PCDHA5: variants seen among roughly 807,000 people sequenced by gnomAD.
PCDHA5 encodes the protein protocadherin alpha 5.
In PCDHA5, 43 loss-of-function variants were observed where a neutral mutation model predicts 61.6. The ratio of observed to expected loss-of-function variants is 0.70; its 90% CI spans 0.55 to 0.90. The LOEUF (loss-of-function observed/expected upper bound fraction) is 0.90, where lower values mean the gene tolerates loss of function less well. PCDHA5 is among the 40% of genes least tolerant of loss of function. The probability of loss-of-function intolerance (pLI) is 0.00; values close to 1 mark genes in which losing one functional copy is unlikely to be tolerated. For synonymous variants in PCDHA5, 627 were observed against 543.9 expected (o/e 1.15, Z -2.13); for missense variants, 1,298 against 1,222.7 (o/e 1.06, Z -0.92).
At chr5:140,856,902 C>A in intron 1 of PCDHA5, 1 of 1,596,268 alleles carries the variant, frequency 6.3e-7, no homozygotes, top group Non-Finnish European at 8.6e-7. Flanking sequence ...TCTTTGGTCC[C>A]ACCCACGATA....
chr5:141,008,985 A>C (rs566679512), intron 3 of PCDHA5, among the ~76,000 whole-genome samples: 1 of 152,240 alleles, frequency 6.6e-6, no homozygotes, highest in Non-Finnish European at 1.5e-5. Context: ...AGTTTAATCT[A>C]GACACTAAAA....
chr5:140,876,206 C>T, intron 1 of PCDHA5: 1 of 1,613,864 alleles, frequency 6.2e-7, no homozygotes, highest in South Asian at 1.1e-5. Context: ...TTTGATAAGC[C>T]CAGCTATAAA....
At position 140,927,384 on chromosome 5, in the gene PCDHA5, C is replaced by G. The variant is rs2084146194; in HGVS notation, c.2353-51565C>G. On this transcript the variant is annotated intron_variant, in intron 1 of 3. Transcript: ENST00000529859. Reference sequence around the variant, plus strand: ...ATGGGATACTAAGCTACAGCCTAAGCCCCAGTCAGCACTTTCGCCTGGACA... The same window carrying G: ...ATGGGATACTAAGCTACAGCCTAAGGCCCAGTCAGCACTTTCGCCTGGACA... 1 of 1,613,996 alleles carries G rather than the reference C, an allele frequency of 6.2e-7. No individual in the cohort carries two copies. The highest frequency in any genetic ancestry group is 1.7e-5 in the Admixed American group (1 of 60,010).
At chr5:140,990,542 C>T (rs2097399330) in intron 3 of PCDHA5, among the ~76,000 whole-genome samples, 1 of 152,180 alleles carries the variant, frequency 6.6e-6, no homozygotes, top group South Asian at 2.1e-4. Context: ...ATCATAGATA[C>T]TGTATTACCC....
At chr5:140,921,134 C>G (rs2080042608) in intron 1 of PCDHA5, among the ~76,000 whole-genome samples, 1 of 111,400 alleles carries the variant, frequency 9.0e-6, no homozygotes, top group African/African-American at 3.7e-5. Flanking sequence ...GTGCACACCA[C>G]TACACCCAGC....
intron 1 of PCDHA5, chr5:140,850,590 TA>T: frequency 6.3e-7 from 1 of 1,598,434 alleles, no homozygotes; most frequent in Non-Finnish European, 8.6e-7. Flanking sequence ...TGTCAACGTG[TA>T]CCTGATCATC....
Position 140,850,629 on chromosome 5 carries a change from G to T in PCDHA5, c.2352+26502G>T, listed in dbSNP as rs2150491518. On this transcript the variant is annotated intron_variant, in intron 1 of 3. Transcript: ENST00000529859. ...CATCTGCGCGGTGTCTAGCCTGTTG[G>T]TTCTCACGCTGCTGCTGTACACTGT... is the stretch of plus-strand genomic sequence containing the variant. 44 of 1,598,620 alleles carry T rather than the reference G, an allele frequency of 2.8e-5. 2 individuals carry two copies. The East Asian group carries it at 9.4e-4, about 34-fold the overall frequency.
intron 3 of PCDHA5, among the ~76,000 whole-genome samples, chr5:140,999,830 T>C (rs146250053): frequency 2.0e-5 from 3 of 152,238 alleles, no homozygotes; most frequent in Non-Finnish European, 4.4e-5. Context: ...GCTTTAAAAA[T>C]ATGCCAAGTG....
chr5:140,927,137 A>G, intron 1 of PCDHA5: 2 of 1,614,052 alleles, frequency 1.2e-6, no homozygotes, highest in South Asian at 2.2e-5. Context: ...GAGCCGGCGG[A>G]CCGCGAACAG....
intron 1 of PCDHA5, chr5:140,843,118 C>T: frequency 6.3e-7 from 1 of 1,595,834 alleles, no homozygotes; most frequent in Non-Finnish European, 8.6e-7. Flanking sequence ...CAGTGGACGC[C>T]GACTCGGGCT....
At chr5:140,927,212 T>C (rs150770754) in intron 1 of PCDHA5, 20 of 1,614,012 alleles carry the variant, frequency 1.2e-5, no homozygotes, top group African/African-American at 1.1e-4. Flanking sequence ...CCGCTGGAGC[T>C]GCACAAGATT....
At chr5:140,836,566 C>A (rs1774576501) in intron 1 of PCDHA5, 1 of 1,613,742 alleles carries the variant, frequency 6.2e-7, no homozygotes. Context: ...GCGCCGTCCT[C>A]TGAGGGCGCA....
chr5:140,968,307 A>G (rs1554230602), intron 1 of PCDHA5: 1 of 1,613,964 alleles, frequency 6.2e-7, no homozygotes, highest in South Asian at 1.1e-5. Context: ...AGGGAGATTC[A>G]AGGGCTGCCA....
intron 1 of PCDHA5, chr5:140,836,222 G>T: frequency 8.1e-6 from 13 of 1,613,794 alleles, no homozygotes; most frequent in Non-Finnish European, 1.1e-5. Context: ...AGTTGCAACC[G>T]GTGGCGGCCG....
intron 3 of PCDHA5, among the ~76,000 whole-genome samples, chr5:140,994,668 G>A (rs2097644296): frequency 6.6e-6 from 1 of 152,118 alleles, no homozygotes; most frequent in Admixed American, 6.5e-5. Context: ...TCACACTACT[G>A]CACTCCAGCC....
chr5:140,884,059 G>A, intron 1 of PCDHA5: 4 of 1,613,546 alleles, frequency 2.5e-6, no homozygotes, highest in Non-Finnish European at 3.4e-6. Context: ...TGCGCGCGGT[G>A]GACGCCGATT....
chr5:141,008,265 G>C (rs748504708), intron 3 of PCDHA5, among the ~76,000 whole-genome samples: 4 of 152,200 alleles, frequency 2.6e-5, no homozygotes, highest in Admixed American at 6.5e-5. Flanking sequence ...AGACTGAGAA[G>C]TAATAGGAAA....
chr5:140,994,717 A>T (rs1350882833), intron 3 of PCDHA5, among the ~76,000 whole-genome samples: 4 of 152,164 alleles, frequency 2.6e-5, no homozygotes, highest in Admixed American at 6.6e-5. Context: ...AAAAAAATTT[A>T]AAATACTGGG....
chr5:140,829,611 A>G lies in PCDHA5; in HGVS notation c.2352+5484A>G, dbSNP rs1282023154. 6 of 1,612,132 alleles carry G rather than the reference A, an allele frequency of 3.7e-6. No individual in the cohort carries two copies. The East Asian group carries it at 6.7e-5, about 18-fold the overall frequency. On this transcript the variant is annotated intron_variant, in intron 1 of 3. Coordinates refer to ENST00000529859, the MANE Select transcript of PCDHA5 (RefSeq NM_018908.3). ...GTGGGCGAGCGCGCGTTGTCGAGCT[A>G]CATTTCGGTGCACGCGGAGAGCGGC...
Sources: allele counts gnomAD v4.1 joint callset (sites outside exome capture counted in the v4.1 genomes callset), GRCh38; gene constraint gnomAD v4.1.1; transcripts MANE v1.5; gene names NCBI Gene and HGNC (gene_info 2026-07-23, HGNC 2026-07-21).